The following WDR70 variants were observed in gnomAD, a reference collection of about 807,000 sequenced individuals.
WDR70 encodes the protein WD repeat domain 70.
A neutral mutation model predicts 88.6 loss-of-function variants in WDR70; 53 were observed. The ratio of observed to expected loss-of-function variants is 0.60; its 90% CI spans 0.48 to 0.75. The LOEUF is 0.75. WDR70 is among the 30% of genes least tolerant of loss of function. The pLI, the probability that WDR70 is intolerant of heterozygous loss-of-function variation, is 0.00. For synonymous variants in WDR70, 280 were observed against 270.0 expected, an observed-to-expected ratio of 1.04 and a Z score of -0.36; for missense variants, 610 against 823.2, an observed-to-expected ratio of 0.74 and a Z score of 3.17.
At chr5:37,437,078 T>C (rs1750489927) in intron 5 of WDR70, among the ~76,000 whole-genome samples, 1 of 152,148 alleles carries the variant, frequency 6.6e-6, no homozygotes, top group Non-Finnish European at 1.5e-5. Flanking sequence ...CTGTCTATGA[T>C]AGCATTCATT....
At chr5:37,742,478 G>A (rs1748514573) in intron 17 of WDR70, among the ~76,000 whole-genome samples, 1 of 151,760 alleles carries the variant, frequency 6.6e-6, no homozygotes, top group African/African-American at 2.4e-5. Flanking sequence ...TATATATTCT[G>A]GATATTAATC....
chr5:37,571,702 G>T (rs1742910520), intron 9 of WDR70, among the ~76,000 whole-genome samples: 1 of 151,946 alleles, frequency 6.6e-6, no homozygotes, highest in Non-Finnish European at 1.5e-5. Flanking sequence ...TTATATTTTT[G>T]GTTGTAACTT....
Position 37,727,058 on chromosome 5 carries a change from C to A in WDR70, c.1877+13C>A. 17 of 1,595,730 alleles carry A rather than the reference C, an allele frequency of 1.1e-5. No homozygotes were observed. Among genetic ancestry groups the A allele is most frequent in the Non-Finnish European group, 1.4e-5 (17 of 1,174,406 alleles). On this transcript the variant is annotated intron_variant, in intron 17 of 17. Coordinates refer to ENST00000265107, the MANE Select transcript of WDR70 (RefSeq NM_018034.4). The stretch of plus-strand genomic sequence containing the variant: ...CAGCATATTCCAAGTGAGAATATAG[C>A]TTTTTAAAACAGGAAAATTGTTATG...
At chr5:37,429,920 G>A (rs562429841) in intron 5 of WDR70, among the ~76,000 whole-genome samples, 118 of 152,290 alleles carry the variant, frequency 7.7e-4, no homozygotes, top group African/African-American at 2.8e-3. Flanking sequence ...TATTGAATCT[G>A]TAGATTAGTT....
At chr5:37,398,308 T>G (rs1431881906) in intron 5 of WDR70, among the ~76,000 whole-genome samples, 1 of 151,884 alleles carries the variant, frequency 6.6e-6, no homozygotes, top group Non-Finnish European at 1.5e-5. Context: ...CAGGATGGTC[T>G]CGATCTCCTG....
At chr5:37,485,060 C>T (rs1053117456) in intron 8 of WDR70, among the ~76,000 whole-genome samples, 6 of 152,174 alleles carry the variant, frequency 3.9e-5, no homozygotes, top group African/African-American at 1.4e-4. Context: ...GAGTTGGGAA[C>T]AATAATGTCG....
intron 9 of WDR70, 132 bp downstream of exon 9, chr5:37,516,722 T>TAC (rs1561883666): frequency 0.012 from 1,908 of 155,880 alleles, 43 homozygotes; most frequent in African/African-American, 0.057. Flanking sequence ...CATATATATA[T>TAC]ATATTTTTTT....
At chr5:37,461,697 A>G (rs1451829724) in intron 7 of WDR70, among the ~76,000 whole-genome samples, 1 of 151,758 alleles carries the variant, frequency 6.6e-6, no homozygotes, top group East Asian at 2.0e-4. Flanking sequence ...GTTAGCCAGG[A>G]TGGTCTTGAT....
At chr5:37,549,342 G>A (rs1342240898) in intron 9 of WDR70, among the ~76,000 whole-genome samples, 1 of 151,984 alleles carries the variant, frequency 6.6e-6, no homozygotes, top group African/African-American at 2.4e-5. Context: ...TCATTGTAGA[G>A]ATCTTTTACT....
chr5:37,537,908 C>T (rs1362379335), intron 9 of WDR70, among the ~76,000 whole-genome samples: 2 of 152,118 alleles, frequency 1.3e-5, no homozygotes, highest in Admixed American at 6.6e-5. Context: ...AGGTCTAATA[C>T]TGTAAAGTTT....
At chr5:37,415,414 ACC>A (rs548672023) in intron 5 of WDR70, among the ~76,000 whole-genome samples, 1 of 63,804 alleles carries the variant, frequency 1.6e-5, no homozygotes, top group South Asian at 6.8e-4. Context: ...CGGGGGGCTG[ACC>A]CCCCCACCTC....
chr5:37,414,232 C>G (rs539076723), intron 5 of WDR70, among the ~76,000 whole-genome samples: 3 of 151,606 alleles, frequency 2.0e-5, no homozygotes, highest in Non-Finnish European at 4.4e-5. Context: ...ACTTCAGGTT[C>G]TTTGCCTTGG....
chr5:37,627,466 G>T (rs1039159749), intron 10 of WDR70, among the ~76,000 whole-genome samples: 1 of 151,830 alleles, frequency 6.6e-6, no homozygotes, highest in African/African-American at 2.4e-5. Context: ...TACTAATTTG[G>T]GGTTTGTTTG....
intron 10 of WDR70, 40 bp from the exon 11 acceptor site, chr5:37,697,615 T>G: frequency 7.8e-6 from 12 of 1,530,602 alleles, no homozygotes; most frequent in Middle Eastern, 1.7e-4. Flanking sequence ...TCTTCTGAAT[T>G]GAGGTGAGAT....
chr5:37,392,830 A>T (rs773884001), intron 4 of WDR70, among the ~76,000 whole-genome samples: 1 of 149,780 alleles, frequency 6.7e-6, no homozygotes, highest in South Asian at 2.1e-4. Flanking sequence ...GTATTTTAGT[A>T]GAGATGGGGT....
At chr5:37,438,106 C>A in intron 6 of WDR70, 125 bp downstream of exon 6, 1 of 692,140 alleles carries the variant, frequency 1.4e-6, no homozygotes. Flanking sequence ...AAGCTATAGA[C>A]ATTAAGGAAA....
chr5:37,573,273 T>G (rs1425575083), intron 9 of WDR70, among the ~76,000 whole-genome samples: 1 of 152,212 alleles, frequency 6.6e-6, no homozygotes, highest in Non-Finnish European at 1.5e-5. Context: ...CATTCTTCTT[T>G]ACTGGGTCAT....
chr5:37,439,161 T>G (rs2366175), intron 6 of WDR70, among the ~76,000 whole-genome samples: 133,673 of 151,994 alleles, frequency 0.88, 61,284 homozygotes, highest in East Asian at 1. Flanking sequence ...CTCATGATCT[T>G]CCTGCCTCGG....
chr5:37,526,354 A>G (rs1206069094), intron 9 of WDR70, among the ~76,000 whole-genome samples: 1 of 152,206 alleles, frequency 6.6e-6, no homozygotes, highest in Non-Finnish European at 1.5e-5. Flanking sequence ...AACGTAATCC[A>G]TCATATAAAC....
Sources: gnomAD v4.1 joint callset for allele counts (sites outside exome capture counted in the v4.1 genomes callset) on GRCh38, gnomAD v4.1.1 for gene constraint, MANE v1.5 for transcripts, NCBI Gene and HGNC (gene_info 2026-07-23, HGNC 2026-07-21) for gene names.